Variants in CSNK2A2IP observed in about 807,000 individuals in gnomAD.
CSNK2A2IP encodes the protein casein kinase II subunit alpha'-interacting protein.
the CSNK2A2IP span, among the ~76,000 whole-genome samples, chr3:88,425,055 C>T: frequency 6.6e-6 from 1 of 151,956 alleles, no homozygotes; most frequent in Non-Finnish European, 1.5e-5. Context: ...ACATCATTAA[C>T]ATATCATTTT....
chr3:88,342,598 A>G, the CSNK2A2IP span, among the ~76,000 whole-genome samples: 1 of 151,924 alleles, frequency 6.6e-6, no homozygotes, highest in Non-Finnish European at 1.5e-5. Context: ...AATGTAATTC[A>G]GCTGAAGTTT....
chr3:88,338,721 A>G, the CSNK2A2IP span: 1 of 152,060 alleles, frequency 6.6e-6, no homozygotes, highest in Non-Finnish European at 1.5e-5. Flanking sequence ...TTATGTGTGC[A>G]TATGTATGTA....
chr3:88,389,028 C>CCAAAAGCCG, the CSNK2A2IP span, among the ~76,000 whole-genome samples: 1 of 151,858 alleles, frequency 6.6e-6, no homozygotes, highest in Non-Finnish European at 1.5e-5. Flanking sequence ...CCCAAACCAC[C>CCAAAAGCCG]CAAAAGCCGT....
the CSNK2A2IP span, among the ~76,000 whole-genome samples, chr3:88,350,164 G>T: frequency 6.6e-6 from 1 of 152,000 alleles, no homozygotes; most frequent in East Asian, 1.9e-4. Context: ...CTCTCCCCAT[G>T]CTCTTTCTTC....
chr3:88,386,789 G>A, the CSNK2A2IP span, among the ~76,000 whole-genome samples: 7 of 152,182 alleles, frequency 4.6e-5, no homozygotes, highest in African/African-American at 1.7e-4. Context: ...ACAAAGACCA[G>A]AGTTTGACAA....
chr3:88,370,869 C>T, the CSNK2A2IP span, among the ~76,000 whole-genome samples: 1 of 151,748 alleles, frequency 6.6e-6, no homozygotes, highest in South Asian at 2.1e-4. Flanking sequence ...AGATTATTTT[C>T]TTTATGAGAA....
At chr3:88,372,480 G>T in the CSNK2A2IP span, among the ~76,000 whole-genome samples, 1 of 150,936 alleles carries the variant, frequency 6.6e-6, no homozygotes, top group Non-Finnish European at 1.5e-5. Flanking sequence ...ATTAAAAAAC[G>T]TAAAGAAATT....
At chr3:88,460,243 A>G in the CSNK2A2IP span, among the ~76,000 whole-genome samples, 1 of 151,888 alleles carries the variant, frequency 6.6e-6, no homozygotes. Flanking sequence ...TGTATGTAAT[A>G]TTTACATGCT....
chr3:88,376,267 T>G, the CSNK2A2IP span, among the ~76,000 whole-genome samples: 5 of 151,886 alleles, frequency 3.3e-5, no homozygotes, highest in African/African-American at 1.2e-4. Context: ...TATTAATTAT[T>G]CAAATCAATT....
chr3:88,368,870 T>C, the CSNK2A2IP span, among the ~76,000 whole-genome samples: 1 of 151,998 alleles, frequency 6.6e-6, no homozygotes, highest in Non-Finnish European at 1.5e-5. Flanking sequence ...TTCCAGAAAG[T>C]CTCTTGGAAG....
chr3:88,408,303 A>G, the CSNK2A2IP span, among the ~76,000 whole-genome samples: 1 of 151,226 alleles, frequency 6.6e-6, no homozygotes, highest in African/African-American at 2.5e-5. Context: ...CAAGTCTGAC[A>G]ACCCTCATTT....
chr3:88,376,156 CT>C, the CSNK2A2IP span, among the ~76,000 whole-genome samples: 1 of 151,478 alleles, frequency 6.6e-6, no homozygotes, highest in African/African-American at 2.4e-5. Flanking sequence ...ATTATTTCCT[CT>C]TTTCCCCACT....
the CSNK2A2IP span, among the ~76,000 whole-genome samples, chr3:88,365,094 T>G: frequency 6.6e-6 from 1 of 152,162 alleles, no homozygotes; most frequent in Non-Finnish European, 1.5e-5. Context: ...CCAAGCAGCC[T>G]GATTTAAGAG....
At chr3:88,445,563 A>AT in the CSNK2A2IP span, among the ~76,000 whole-genome samples, 16 of 152,112 alleles carry the variant, frequency 1.1e-4, no homozygotes, top group East Asian at 2.9e-3. Context: ...TCTTATTATT[A>AT]TTTTTTTCTT....
the CSNK2A2IP span, among the ~76,000 whole-genome samples, chr3:88,453,068 T>A: frequency 4.6e-5 from 7 of 152,196 alleles, no homozygotes; most frequent in Non-Finnish European, 1.0e-4. Context: ...TTTCGGGTAC[T>A]TATGTCAAGC....
the CSNK2A2IP span, among the ~76,000 whole-genome samples, chr3:88,388,799 C>T: frequency 6.6e-6 from 1 of 152,208 alleles, no homozygotes; most frequent in South Asian, 2.1e-4. Flanking sequence ...ATTAAGGCTG[C>T]CTGTTTAGCC....
chr3:88,449,854 CATAT>C, the CSNK2A2IP span, among the ~76,000 whole-genome samples: 54 of 84,408 alleles, frequency 6.4e-4, 1 homozygote, highest in East Asian at 4.3e-3. Flanking sequence ...CACACACACA[CATAT>C]ATATATATAT....
At chr3:88,418,964 C>T in the CSNK2A2IP span, among the ~76,000 whole-genome samples, 2 of 152,068 alleles carry the variant, frequency 1.3e-5, no homozygotes, top group African/African-American at 4.8e-5. Flanking sequence ...TTAGATTCTA[C>T]TAGCAGTGCC....
At chr3:88,446,086 CTTTCTTTCTTTCT>C in the CSNK2A2IP span, among the ~76,000 whole-genome samples, 3 of 83,770 alleles carry the variant, frequency 3.6e-5, no homozygotes, top group Non-Finnish European at 5.1e-5. Context: ...TTCTTTCTTT[CTTTCTTTCTTTCT>C]TTTTTTCTTT....
Sources: allele counts gnomAD v4.1 joint callset (sites outside exome capture counted in the v4.1 genomes callset), GRCh38; gene constraint gnomAD v4.1.1; transcripts MANE v1.5; gene names NCBI Gene and HGNC (gene_info 2026-07-23, HGNC 2026-07-21).